SEMA6D: variants seen among roughly 807,000 people sequenced by gnomAD.
The protein encoded by SEMA6D is semaphorin 6D.
Under a neutral mutation model 106.6 loss-of-function variants are expected in SEMA6D, and 35 were observed. The ratio of observed to expected loss-of-function variants is 0.33; its 90% confidence interval spans 0.25 to 0.44. The LOEUF (loss-of-function observed/expected upper bound fraction) is 0.44. Among genes scored for constraint, SEMA6D ranks in the 20% least tolerant of loss-of-function variants. The pLI, the probability that SEMA6D is intolerant of heterozygous loss-of-function variation, is 1.00. For missense variants in SEMA6D, 1,185 were observed against 1,345.9 expected, an observed-to-expected ratio of 0.88 and a Z score of 1.87; for synonymous variants, 499 against 487.7, an observed-to-expected ratio of 1.02 and a Z score of -0.31.
At chr15:47,656,083 C>G (rs575162271) in intron 4 of SEMA6D, among the ~76,000 whole-genome samples, 49 of 152,314 alleles carry the variant, frequency 3.2e-4, no homozygotes, top group African/African-American at 1.1e-3. Flanking sequence ...TCTAATGTTC[C>G]TAAACACAAG....
chr15:47,586,685 C>T (rs1004525211), intron 3 of SEMA6D, among the ~76,000 whole-genome samples: 1 of 151,968 alleles, frequency 6.6e-6, no homozygotes, highest in Non-Finnish European at 1.5e-5. Flanking sequence ...CCCCATACCC[C>T]AACAGCTGGC....
intron 1 of SEMA6D, among the ~76,000 whole-genome samples, chr15:47,329,363 G>C (rs146744146): frequency 5.9e-5 from 9 of 152,284 alleles, no homozygotes; most frequent in Non-Finnish European, 1.3e-4. Context: ...GCATGAACCT[G>C]TAACAAAGGC....
At chr15:47,768,514 T>C in intron 17 of SEMA6D, 67 bp from the exon 18 acceptor site, 1 of 1,318,602 alleles carries the variant, frequency 7.6e-7, no homozygotes, top group Non-Finnish European at 1.0e-6. Context: ...TATTTAAAAA[T>C]GCAACAGACC....
At chr15:47,468,178 C>T (rs573891547) in intron 2 of SEMA6D, among the ~76,000 whole-genome samples, 120 of 151,776 alleles carry the variant, frequency 7.9e-4, no homozygotes, top group African/African-American at 2.5e-3. Context: ...TGTTTGTGTG[C>T]GGGTGTGTGT....
At chr15:47,426,187 T>C (rs921622866) in intron 2 of SEMA6D, among the ~76,000 whole-genome samples, 1 of 152,140 alleles carries the variant, frequency 6.6e-6, no homozygotes, top group African/African-American at 2.4e-5. Flanking sequence ...TTTATGTTTT[T>C]AGAGATGAGA....
chr15:47,268,296 C>T (rs2034412411), intron 1 of SEMA6D, among the ~76,000 whole-genome samples: 1 of 152,170 alleles, frequency 6.6e-6, no homozygotes, highest in Non-Finnish European at 1.5e-5. Context: ...CTAGACCTTC[C>T]ATTTACTGCT....
At chr15:47,411,285 C>T (rs986715767) in intron 1 of SEMA6D, among the ~76,000 whole-genome samples, 4 of 151,844 alleles carry the variant, frequency 2.6e-5, no homozygotes, top group African/African-American at 4.8e-5. Flanking sequence ...TTAGCAGAGA[C>T]GGGGTTTCGC....
intron 1 of SEMA6D, chr15:47,730,176 C>T: frequency 6.5e-7 from 1 of 1,527,674 alleles, no homozygotes; most frequent in South Asian, 1.1e-5. Context: ...TTAGCCTTTG[C>T]CTTTTCGAGC....
chr15:47,231,841 CAT>C (rs2141585124), intron 1 of SEMA6D, among the ~76,000 whole-genome samples: 2 of 152,040 alleles, frequency 1.3e-5, no homozygotes, highest in South Asian at 4.1e-4. Context: ...CTTTTTTTAA[CAT>C]AAAATTCACA....
intron 1 of SEMA6D, among the ~76,000 whole-genome samples, chr15:47,757,114 T>G (rs1473518077): frequency 1.3e-5 from 2 of 152,146 alleles, no homozygotes; most frequent in Admixed American, 6.5e-5. Flanking sequence ...TCAGCCCCAG[T>G]GCTGGGATCA....
intron 3 of SEMA6D, among the ~76,000 whole-genome samples, chr15:47,589,154 C>G (rs546482853): frequency 6.6e-6 from 1 of 152,178 alleles, no homozygotes; most frequent in African/African-American, 2.4e-5. Context: ...ATGAGGGTCC[C>G]CTCCCGGCAG....
In SEMA6D at chr15:47,503,006, TAA is replaced by T. The variant is rs1434586781; in HGVS notation, c.-87+32462_-87+32463del. Among the ~76,000 whole-genome samples the T allele has an allele frequency of 2.6e-5, 4 of 152,222 alleles. No homozygotes were observed. The South Asian group carries it at 6.2e-4, about 24-fold the overall frequency. ...ACTTGATATGAAATATCAGTAAATA[TAA>T]GTGACAATATTTTTTGCCTTGAGTG... On this transcript the variant is annotated intron_variant, in intron 3 of 19. Transcript: ENST00000558014.
intron 1 of SEMA6D, among the ~76,000 whole-genome samples, chr15:47,251,328 T>C (rs909192078): frequency 1.1e-4 from 17 of 152,220 alleles, no homozygotes; most frequent in African/African-American, 4.1e-4. Context: ...TCTGTCGCCA[T>C]GTAAGTTCTA....
chr15:47,765,582 C>A, intron 13 of SEMA6D: 2 of 548,148 alleles, frequency 3.6e-6, no homozygotes, highest in Non-Finnish European at 5.1e-6. Context: ...TGCATTAAAG[C>A]ACGATCCTTT....
chr15:47,464,178 G>T (rs2042593551), intron 2 of SEMA6D, among the ~76,000 whole-genome samples: 1 of 152,092 alleles, frequency 6.6e-6, no homozygotes, highest in African/African-American at 2.4e-5. Context: ...CTTAAGAAGA[G>T]ATTTTAACTT....
At chr15:47,524,851 A>G (rs969326967) in intron 3 of SEMA6D, among the ~76,000 whole-genome samples, 4 of 152,146 alleles carry the variant, frequency 2.6e-5, no homozygotes, top group East Asian at 1.9e-4. Flanking sequence ...GAGACCAGCA[A>G]TCGTAGGAGG....
chr15:47,431,823 T>C (rs2041536563), intron 2 of SEMA6D, among the ~76,000 whole-genome samples: 1 of 152,160 alleles, frequency 6.6e-6, no homozygotes, highest in Non-Finnish European at 1.5e-5. Flanking sequence ...TCATGCCTTA[T>C]GTGACTAAAA....
intron 1 of SEMA6D, among the ~76,000 whole-genome samples, chr15:47,724,585 G>A (rs752180689): frequency 6.6e-6 from 1 of 151,850 alleles, no homozygotes; most frequent in Non-Finnish European, 1.5e-5. Context: ...GGTGGGGGAG[G>A]TGTTGAGAGG....
At position 47,771,670 on chromosome 15, in the gene SEMA6D, C is replaced by T. The variant is rs945347028; in HGVS notation, c.3107C>T (p.Thr1036Ile). 1.9e-6 allele frequency: 3 copies of T among 1,614,118 alleles called. No homozygotes were observed. The highest frequency in any genetic ancestry group is 2.5e-6 in the Non-Finnish European group (3 of 1,179,990). ...CAGAGCAGCTACACCAGTAATGGCACTCTTCCTAGGACGGGACTAAAGAGG... is the reference window on the plus strand; with the variant it reads ...CAGAGCAGCTACACCAGTAATGGCATTCTTCCTAGGACGGGACTAAAGAGG... Reference protein sequence around the residue: ...SRQSSYTSNGTLPRTGLKRTP... With the variant: ...SRQSSYTSNGILPRTGLKRTP... Residue 1036 changes from threonine (T) to isoleucine (I), a missense_variant, in exon 19 of 19, where the codon ACT becomes ATT. Around this residue, in one of 3 missense-constraint regions of SEMA6D, gnomAD observed 750 missense variants for 783.5 expected, o/e 0.96. Transcript: ENST00000536845.
Sources: gnomAD v4.1 joint callset for allele counts (sites outside exome capture counted in the v4.1 genomes callset) on GRCh38, gnomAD v4.1.1 for gene constraint, gnomAD v4.1.1 regional missense constraint, MANE v1.5 for transcripts, NCBI Gene and HGNC (gene_info 2026-07-23, HGNC 2026-07-21) for gene names.